Variants in RNF150 observed in about 807,000 individuals in gnomAD.
The protein encoded by RNF150 is ring finger protein 150.
Under a neutral mutation model 39.3 loss-of-function variants are expected in RNF150, and 24 were observed. The observed-to-expected ratio is 0.61, with a 90% confidence interval of 0.44 to 0.86. RNF150 has a LOEUF of 0.86. Ranked by LOEUF, RNF150 falls within the 40% of genes least tolerant of loss-of-function variation. RNF150 has a pLI of 0.00. For missense variants in RNF150, 502 were observed against 587.8 expected (o/e 0.85, Z 1.51); for synonymous variants, 255 against 227.3 (o/e 1.12, Z -1.10).
At chr4:140,963,714 T>C (rs924211073) in intron 2 of RNF150, among the ~76,000 whole-genome samples, 2 of 152,002 alleles carry the variant, frequency 1.3e-5, no homozygotes, top group African/African-American at 2.4e-5. Flanking sequence ...GAATAGTATA[T>C]AGCAGAAATT....
At chr4:141,184,787 C>A (rs1188006183) in intron 1 of RNF150, among the ~76,000 whole-genome samples, 1 of 151,790 alleles carries the variant, frequency 6.6e-6, no homozygotes, top group Non-Finnish European at 1.5e-5. Context: ...TTCTTTTTGT[C>A]ATGTTTGTCT....
chr4:141,152,699 A>C (rs1427345034), intron 1 of RNF150, among the ~76,000 whole-genome samples: 1 of 152,166 alleles, frequency 6.6e-6, no homozygotes, highest in Non-Finnish European at 1.5e-5. Context: ...TTTGGGGTGT[A>C]CTAACCACTT....
chr4:141,061,067 C>T (rs1336259484), intron 1 of RNF150, among the ~76,000 whole-genome samples: 1 of 151,896 alleles, frequency 6.6e-6, no homozygotes, highest in Non-Finnish European at 1.5e-5. Context: ...CAGCAAACCA[C>T]CATGGCACGT....
chr4:141,025,543 A>G (rs182487039), intron 1 of RNF150, among the ~76,000 whole-genome samples: 1 of 152,302 alleles, frequency 6.6e-6, no homozygotes. Context: ...AAAAAAATGA[A>G]AAATGAGAAG....
chr4:140,980,066 G>A (rs921347414), intron 1 of RNF150, among the ~76,000 whole-genome samples: 3 of 151,304 alleles, frequency 2.0e-5, no homozygotes, highest in Non-Finnish European at 2.9e-5. Flanking sequence ...TTTTTTTGAC[G>A]GAGTCTCGCT....
intron 1 of RNF150, among the ~76,000 whole-genome samples, chr4:141,187,597 A>AT (rs1728035958): frequency 6.6e-6 from 1 of 152,184 alleles, no homozygotes; most frequent in South Asian, 2.1e-4. Flanking sequence ...TCCCTTTACC[A>AT]TTATGCAATG....
intron 1 of RNF150, among the ~76,000 whole-genome samples, chr4:141,103,539 G>A (rs756711659): frequency 1.3e-5 from 2 of 152,074 alleles, no homozygotes; most frequent in South Asian, 4.1e-4. Flanking sequence ...AGACCATCAT[G>A]GATCACTGGG....
chr4:141,156,896 G>A (rs893576228), intron 1 of RNF150, among the ~76,000 whole-genome samples: 1 of 151,990 alleles, frequency 6.6e-6, no homozygotes, highest in Non-Finnish European at 1.5e-5. Flanking sequence ...AGTAGAGTGA[G>A]ATTATCTCAA....
chr4:140,897,338 A>G (rs2111241767), intron 6 of RNF150, among the ~76,000 whole-genome samples: 1 of 152,300 alleles, frequency 6.6e-6, no homozygotes, highest in South Asian at 2.1e-4. Flanking sequence ...GTTGCTGGGC[A>G]TACGTTTTGA....
chr4:141,091,907 A>C lies in RNF150; in HGVS notation c.484+40418T>G, dbSNP rs552508513. Reference sequence around the variant, plus strand: ...GGTGCCAAACAGAGATACACAATATACACATATATGGTGCCAAACAGAGAT... The same window carrying C: ...GGTGCCAAACAGAGATACACAATATCCACATATATGGTGCCAAACAGAGAT... On this transcript the variant is annotated intron_variant, in intron 1 of 6. Coordinates refer to ENST00000515673, the MANE Select transcript of RNF150 (RefSeq NM_020724.2). Among the ~76,000 whole-genome samples the C allele has an allele frequency of 9.2e-5, 14 of 151,920 alleles. 1 individual carries two copies. Among genetic ancestry groups the C allele is most frequent in the African/African-American group, 3.4e-4 (14 of 41,180 alleles).
chr4:140,910,355 A>T (rs1007299964), intron 6 of RNF150, among the ~76,000 whole-genome samples: 3 of 152,180 alleles, frequency 2.0e-5, no homozygotes, highest in Non-Finnish European at 4.4e-5. Context: ...GCTAATTTGC[A>T]TCTGATTTTC....
chr4:141,024,980 T>C (rs1226150992), intron 1 of RNF150, among the ~76,000 whole-genome samples: 1 of 152,174 alleles, frequency 6.6e-6, no homozygotes, highest in Non-Finnish European at 1.5e-5. Context: ...AAAAAAGTCA[T>C]GCACCAGAGA....
At chr4:141,141,255 G>A (rs759082058) in intron 1 of RNF150, among the ~76,000 whole-genome samples, 1 of 152,204 alleles carries the variant, frequency 6.6e-6, no homozygotes, top group Non-Finnish European at 1.5e-5. Flanking sequence ...TCTGTAAAAT[G>A]AAGGTGTTGA....
intron 1 of RNF150, among the ~76,000 whole-genome samples, chr4:141,127,424 A>G (rs759042985): frequency 7.2e-5 from 11 of 152,216 alleles, no homozygotes; most frequent in Non-Finnish European, 1.5e-4. Flanking sequence ...TTCTAGAAAA[A>G]TGAGTCCTGA....
intron 1 of RNF150, among the ~76,000 whole-genome samples, chr4:141,078,848 C>CAT (rs1274597980): frequency 2.2e-5 from 3 of 137,742 alleles, no homozygotes; most frequent in Non-Finnish European, 4.6e-5. Flanking sequence ...CACACACACA[C>CAT]ATACATACAT....
chr4:141,053,550 A>G, intron 1 of RNF150: 4 of 481,216 alleles, frequency 8.3e-6, no homozygotes, highest in Non-Finnish European at 1.0e-5. Flanking sequence ...GAAGACAAGA[A>G]ATGTTATTTA....
chr4:140,925,082 C>T (rs1249051598), intron 5 of RNF150, among the ~76,000 whole-genome samples: 1 of 152,202 alleles, frequency 6.6e-6, no homozygotes, highest in Non-Finnish European at 1.5e-5. Context: ...TGACAATAGG[C>T]AGGTGGCAGC....
At chr4:140,990,286 G>A (rs544617972) in intron 1 of RNF150, among the ~76,000 whole-genome samples, 33 of 152,158 alleles carry the variant, frequency 2.2e-4, no homozygotes, top group Non-Finnish European at 3.1e-4. Context: ...TTTCTCTTTC[G>A]TAAATGACTC....
intron 1 of RNF150, among the ~76,000 whole-genome samples, chr4:140,997,371 C>T (rs1291474105): frequency 2.0e-5 from 3 of 151,912 alleles, no homozygotes; most frequent in Non-Finnish European, 2.9e-5. Flanking sequence ...GCCTGTAATC[C>T]CAGCACTTTG....
Sources: gnomAD v4.1 joint callset for allele counts (sites outside exome capture counted in the v4.1 genomes callset) on GRCh38, gnomAD v4.1.1 for gene constraint, MANE v1.5 for transcripts, NCBI Gene and HGNC (gene_info 2026-07-23, HGNC 2026-07-21) for gene names.